ATP8A2: variants seen among roughly 807,000 people sequenced by gnomAD.
ATP8A2 encodes the protein phospholipid-transporting ATPase IB.
A neutral mutation model predicts 165.6 loss-of-function variants in ATP8A2; 100 were observed. The ratio of observed to expected loss-of-function variants is 0.60; its 90% CI spans 0.51 to 0.71. The LOEUF (loss-of-function observed/expected upper bound fraction) is 0.71, where lower values mean the gene tolerates loss of function less well. Ranked by LOEUF, ATP8A2 falls within the 30% of genes least tolerant of loss-of-function variation. ATP8A2 has a pLI of 0.00. For missense variants in ATP8A2, 1,227 were observed against 1,479.5 expected (o/e 0.83, Z 2.80); for synonymous variants, 543 against 548.8 (o/e 0.99, Z 0.15).
rs2765754 is a variant in ATP8A2, at chr13:25,822,757, A to G, written c.2680-5361A>G. ...TTTGTATTTATAGAAATTAGTTTCAAATTTGTCCCTCATTTCTAAGTTTAA... is the reference window on the plus strand; with the variant it reads ...TTTGTATTTATAGAAATTAGTTTCAGATTTGTCCCTCATTTCTAAGTTTAA... On this transcript the variant is annotated intron_variant, in intron 27 of 36. Coordinates refer to ENST00000381655, the MANE Select transcript of ATP8A2 (RefSeq NM_016529.6). Among the ~76,000 whole-genome samples the G allele has an allele frequency of 4.7e-3, 708 of 152,080 alleles. 5 individuals are homozygous for G. The highest frequency in any genetic ancestry group is 0.016 in the African/African-American group (676 of 41,346).
intron 1 of ATP8A2, among the ~76,000 whole-genome samples, chr13:25,407,668 C>T (rs1357177753): frequency 2.0e-5 from 3 of 152,044 alleles, no homozygotes; most frequent in African/African-American, 7.2e-5. Context: ...TGATGAGCAG[C>T]TATTAAGAGA....
At chr13:25,827,434 T>C (rs9551225) in intron 27 of ATP8A2, among the ~76,000 whole-genome samples, 86,598 of 152,094 alleles carry the variant, frequency 0.57, 25,011 homozygotes, top group East Asian at 0.7. Flanking sequence ...TTATCCCTTG[T>C]CATGTACACT....
intron 33 of ATP8A2, among the ~76,000 whole-genome samples, chr13:25,943,241 G>C (rs1955120374): frequency 6.6e-6 from 1 of 152,130 alleles, no homozygotes; most frequent in South Asian, 2.1e-4. Context: ...AATCCCTGGA[G>C]AACTGCTATG....
At chr13:25,938,230 A>G (rs1954973132) in intron 33 of ATP8A2, among the ~76,000 whole-genome samples, 1 of 152,164 alleles carries the variant, frequency 6.6e-6, no homozygotes, top group African/African-American at 2.4e-5. Context: ...GAAAAGGTGA[A>G]GACCCAGGAG....
chr13:25,442,124 A>G (rs1326134383), intron 1 of ATP8A2, among the ~76,000 whole-genome samples: 2 of 152,206 alleles, frequency 1.3e-5, no homozygotes, highest in Non-Finnish European at 2.9e-5. Context: ...CATTTTGCTT[A>G]TCCATTTATC....
intron 27 of ATP8A2, among the ~76,000 whole-genome samples, chr13:25,788,482 A>C (rs143219591): frequency 6.6e-6 from 1 of 152,316 alleles, no homozygotes; most frequent in African/African-American, 2.4e-5. Context: ...GAGAGGGGTT[A>C]GAAGGTGTGC....
intron 6 of ATP8A2, among the ~76,000 whole-genome samples, chr13:25,536,866 C>T (rs1254030242): frequency 2.0e-5 from 3 of 152,178 alleles, no homozygotes; most frequent in Non-Finnish European, 2.9e-5. Context: ...ATGCCAGGTG[C>T]CGTGTATACT....
At chr13:25,699,090 C>G in intron 24 of ATP8A2, 83 bp from the exon 25 acceptor site, 1 of 1,157,222 alleles carries the variant, frequency 8.6e-7, no homozygotes, top group Non-Finnish European at 1.2e-6. Context: ...GTTCTCATTT[C>G]AAGAAACTTA....
intron 25 of ATP8A2, among the ~76,000 whole-genome samples, chr13:25,711,957 T>G (rs561705803): frequency 6.6e-6 from 1 of 152,300 alleles, no homozygotes; most frequent in East Asian, 1.9e-4. Context: ...GGGTGTTCAC[T>G]TCTGGTGCAG....
chr13:25,435,841 C>T, intron 1 of ATP8A2, among the ~76,000 whole-genome samples: 1 of 151,916 alleles, frequency 6.6e-6, no homozygotes, highest in Middle Eastern at 3.4e-3. Flanking sequence ...TTTATGCTTC[C>T]CCTAAATTTT....
chr13:25,409,969 T>C (rs368171021), intron 1 of ATP8A2, among the ~76,000 whole-genome samples: 1 of 150,948 alleles, frequency 6.6e-6, no homozygotes, highest in African/African-American at 2.4e-5. Context: ...GAAATATGTA[T>C]GTGTATGTAT....
chr13:25,414,640 T>C (rs2138074736), intron 1 of ATP8A2, among the ~76,000 whole-genome samples: 1 of 152,362 alleles, frequency 6.6e-6, no homozygotes, highest in Non-Finnish European at 1.5e-5. Context: ...TTTACGTGTA[T>C]GTCACTTTCC....
rs370100993 is a variant in ATP8A2 at position 25,403,377 on chromosome 13, T to C, written c.76+31089T>C. On this transcript the variant is annotated intron_variant, in intron 1 of 36. Transcript: ENST00000381655. Reference sequence around the variant, plus strand: ...GACTAAGACAAAGGTCCCAGATGGGTTTGCCTGGGAAAATGGTTGTTCCCA... The same window carrying C: ...GACTAAGACAAAGGTCCCAGATGGGCTTGCCTGGGAAAATGGTTGTTCCCA... Among the ~76,000 whole-genome samples the C allele has an allele frequency of 3.9e-5, 6 of 152,322 alleles. No individual in the cohort carries two copies. The South Asian group carries it at 8.3e-4, about 21-fold the overall frequency.
chr13:25,395,649 G>A (rs887301968), intron 1 of ATP8A2, among the ~76,000 whole-genome samples: 2 of 152,034 alleles, frequency 1.3e-5, no homozygotes. Flanking sequence ...GATCCTCCCA[G>A]CTCAGTCTAT....
chr13:25,961,690 C>G lies in ATP8A2; in HGVS notation c.3272+27C>G, dbSNP rs370301746. ...TAAGTTTAACAGTGAAGCGGGGACC[C>G]TAAGTCTGGCTCATCTGTCCCTGGA... On this transcript the variant is annotated intron_variant, in intron 34 of 36. Transcript: ENST00000381655. 4.0e-6 allele frequency: 6 copies of G among 1,509,130 alleles called. No individual in the cohort carries two copies. The African/African-American group carries it at 5.5e-5, about 14-fold the overall frequency. 93.5% of individuals were successfully genotyped at this position (1,509,130 alleles called of 1,614,324 possible).
chr13:25,889,518 C>T (rs547702685), intron 33 of ATP8A2, among the ~76,000 whole-genome samples: 32 of 152,046 alleles, frequency 2.1e-4, no homozygotes, highest in African/African-American at 7.7e-4. Context: ...TAATGCTCTC[C>T]TTAAGAAGCA....
chr13:25,815,046 A>T (rs1196638687), intron 27 of ATP8A2, among the ~76,000 whole-genome samples: 1 of 151,892 alleles, frequency 6.6e-6, no homozygotes, highest in East Asian at 1.9e-4. Context: ...AAAAAAAAAA[A>T]TTAACTCCAA....
At chr13:25,719,273 A>G (rs1247092955) in intron 25 of ATP8A2, among the ~76,000 whole-genome samples, 3 of 147,372 alleles carry the variant, frequency 2.0e-5, no homozygotes, top group African/African-American at 8.0e-5. Flanking sequence ...TAATTGATTG[A>G]TTCACAGAGG....
At chr13:25,506,697 CTG>C in intron 2 of ATP8A2, among the ~76,000 whole-genome samples, 1 of 152,134 alleles carries the variant, frequency 6.6e-6, no homozygotes, top group Non-Finnish European at 1.5e-5. Flanking sequence ...ATCTGTGACA[CTG>C]TGACACTATA....
Sources: gnomAD v4.1 joint callset for allele counts (sites outside exome capture counted in the v4.1 genomes callset) on GRCh38, gnomAD v4.1.1 for gene constraint, MANE v1.5 for transcripts, NCBI Gene and HGNC (gene_info 2026-07-23, HGNC 2026-07-21) for gene names.